The following SMYD2 variants were observed in gnomAD, a reference collection of about 807,000 sequenced individuals.
SMYD2 encodes SET and MYND domain containing 2, also known as N-lysine methyltransferase SMYD2.
A neutral mutation model predicts 59.1 loss-of-function variants in SMYD2; 53 were observed. That is an observed-to-expected ratio of 0.90 (90% CI 0.72 to 1.13). SMYD2 has a LOEUF of 1.13. Among genes scored for constraint, SMYD2 ranks in the 50% most tolerant of loss-of-function variants. The pLI is 0.00. For synonymous variants in SMYD2, 208 were observed against 198.8 expected, an observed-to-expected ratio of 1.05 and a Z score of -0.39; for missense variants, 494 against 544.7, an observed-to-expected ratio of 0.91 and a Z score of 0.93.
chr1:214,326,156 T>C (rs1657257782), intron 6 of SMYD2, among the ~76,000 whole-genome samples: 2 of 150,654 alleles, frequency 1.3e-5, no homozygotes, highest in South Asian at 2.1e-4. Flanking sequence ...CAGAATCACT[T>C]GAACCCGGGA....
chr1:214,305,092 C>T, intron 1 of SMYD2, 95 bp from the exon 2 acceptor site: 3 of 1,203,172 alleles, frequency 2.5e-6, no homozygotes, highest in Admixed American at 3.4e-5. Context: ...CTTGGCTCTG[C>T]TTTCCAACCA....
At chr1:214,311,257 G>T (rs1477666674) in intron 2 of SMYD2, among the ~76,000 whole-genome samples, 1 of 152,206 alleles carries the variant, frequency 6.6e-6, no homozygotes, top group African/African-American at 2.4e-5. Context: ...TCAGAGCGCA[G>T]CCTGTGCCGG....
At chr1:214,288,737 A>C (rs77526968) in intron 1 of SMYD2, among the ~76,000 whole-genome samples, 107 of 152,346 alleles carry the variant, frequency 7.0e-4, no homozygotes, top group African/African-American at 2.5e-3. Context: ...AATTTGCATA[A>C]GAGCTACACA....
Position 214,330,168 on chromosome 1 carries a change from G to T in SMYD2, c.706G>T (p.Val236Phe). ...AGCTTTATCTTTTTGGACCCCGTAGGTTTTTACCAGCTATATTGATCTCCT... is the reference window on the plus strand; with the variant it reads ...AGCTTTATCTTTTTGGACCCCGTAGTTTTTTACCAGCTATATTGATCTCCT... Reference protein sequence around the residue: ...AVQEIKPGEEVFTSYIDLLYP... With the variant: ...AVQEIKPGEEFFTSYIDLLYP... Residue 236 changes from valine to phenylalanine, a missense_variant and splice_region_variant, in exon 8 of 12, where the codon GTT (valine) becomes TTT (phenylalanine). Transcript: ENST00000366957. 2 of 1,600,858 alleles carry T rather than the reference G, an allele frequency of 1.2e-6. No individual in the cohort carries two copies. Among genetic ancestry groups the T allele is most frequent in the Non-Finnish European group, 1.7e-6 (2 of 1,171,632 alleles).
intron 1 of SMYD2, among the ~76,000 whole-genome samples, chr1:214,300,224 C>T (rs566390785): frequency 6.6e-6 from 1 of 152,278 alleles, no homozygotes; most frequent in East Asian, 1.9e-4. Flanking sequence ...CCAGGCAAAG[C>T]TTTTCAGTTT....
chr1:214,285,173 T>A (rs1011817656), intron 1 of SMYD2, among the ~76,000 whole-genome samples: 1 of 134,472 alleles, frequency 7.4e-6, no homozygotes, highest in Non-Finnish European at 1.6e-5. Context: ...GGTGTCCTAT[T>A]TCAGCAGTTA....
intron 2 of SMYD2, among the ~76,000 whole-genome samples, chr1:214,311,477 G>A (rs1478584816): frequency 6.6e-6 from 1 of 152,196 alleles, no homozygotes; most frequent in Non-Finnish European, 1.5e-5. Flanking sequence ...GGAGACAGGC[G>A]CAAAGGGATT....
intron 1 of SMYD2, among the ~76,000 whole-genome samples, chr1:214,304,796 T>C (rs763077042): frequency 5.9e-5 from 9 of 152,210 alleles, no homozygotes; most frequent in Non-Finnish European, 1.3e-4. Context: ...TCTGTGCCTC[T>C]TTAGCAGATG....
At chr1:214,319,456 AGTGGGTCTAGAT>A (rs1657136721) in intron 5 of SMYD2, among the ~76,000 whole-genome samples, 2 of 152,164 alleles carry the variant, frequency 1.3e-5, no homozygotes, top group Non-Finnish European at 2.9e-5. Flanking sequence ...GAGGAGCCCA[AGTGGGTCTAGAT>A]GTGGAAGTCT....
At chr1:214,313,171 T>G (rs1657025703) in intron 2 of SMYD2, among the ~76,000 whole-genome samples, 1 of 152,064 alleles carries the variant, frequency 6.6e-6, no homozygotes, top group Non-Finnish European at 1.5e-5. Context: ...GGCTGGAGTG[T>G]AGCGGTGCAC....
At position 214,281,378 on chromosome 1, in the gene SMYD2, G is replaced by A; in HGVS notation, c.124G>A (p.Val42Met). ...LLFSCPAYAY[V>M]LTVNERGNHC... is the part of the protein sequence containing the mutation. The stretch of plus-strand genomic sequence containing the variant: ...GTTCTCCTGCCCGGCCTATGCCTAC[G>A]TGCTCACGGTCAACGAGCGGGGCAA... Residue 42 changes from valine to methionine, a missense_variant, in exon 1 of 12, where the codon GTG (valine) becomes ATG (methionine). Coordinates refer to ENST00000366957, the MANE Select transcript of SMYD2 (RefSeq NM_020197.3). The A allele has an allele frequency of 1.4e-6, 2 of 1,460,406 alleles. No individual in the cohort carries two copies. Among genetic ancestry groups the A allele is most frequent in the Admixed American group, 2.3e-5 (1 of 44,418 alleles). 90.5% of individuals were successfully genotyped at this position (1,460,406 alleles called of 1,614,324 possible).
At chr1:214,307,157 G>A (rs1241922820) in intron 2 of SMYD2, among the ~76,000 whole-genome samples, 7 of 152,216 alleles carry the variant, frequency 4.6e-5, no homozygotes, top group South Asian at 2.1e-4. Context: ...TGGGCAACAA[G>A]AGTGAAATTC....
intron 3 of SMYD2, 27 bp downstream of exon 3, chr1:214,314,899 G>A (rs185560172): frequency 1.3e-5 from 20 of 1,547,362 alleles, no homozygotes; most frequent in Non-Finnish European, 1.6e-5. Context: ...ATGTTCAAGT[G>A]CATTTTATTT....
chr1:214,287,222 A>G (rs1310043276), intron 1 of SMYD2, among the ~76,000 whole-genome samples: 1 of 151,804 alleles, frequency 6.6e-6, no homozygotes, highest in Non-Finnish European at 1.5e-5. Flanking sequence ...GGGCGTTTTT[A>G]TGGAGTTGTG....
intron 7 of SMYD2, among the ~76,000 whole-genome samples, chr1:214,329,143 C>T (rs923709498): frequency 2.6e-5 from 4 of 152,328 alleles, no homozygotes; most frequent in South Asian, 2.1e-4. Context: ...AGATCTGAAA[C>T]GCAGTAACCT....
intron 11 of SMYD2, 53 bp downstream of exon 11, chr1:214,334,361 C>A: frequency 2.0e-6 from 3 of 1,484,874 alleles, no homozygotes; most frequent in Non-Finnish European, 1.9e-6. Context: ...GCCTCCTTAG[C>A]GCACCTCCTT....
intron 1 of SMYD2, among the ~76,000 whole-genome samples, chr1:214,300,034 A>G (rs753226491): frequency 2.0e-5 from 3 of 152,244 alleles, no homozygotes; most frequent in Non-Finnish European, 4.4e-5. Context: ...TGTATTGGGC[A>G]CTATGCTCAC....
At chr1:214,293,907 C>T (rs565143540) in intron 1 of SMYD2, among the ~76,000 whole-genome samples, 1 of 151,770 alleles carries the variant, frequency 6.6e-6, no homozygotes, top group South Asian at 2.1e-4. Context: ...AACTCCTGAC[C>T]TTAGGTGATC....
chr1:214,285,893 C>T (rs1558046733), intron 1 of SMYD2, among the ~76,000 whole-genome samples: 1 of 152,200 alleles, frequency 6.6e-6, no homozygotes, highest in Non-Finnish European at 1.5e-5. Flanking sequence ...GTACTGAATA[C>T]TGTAGGCAGT....
Sources: allele counts gnomAD v4.1 joint callset (sites outside exome capture counted in the v4.1 genomes callset), GRCh38; gene constraint gnomAD v4.1.1; transcripts MANE v1.5; gene names NCBI Gene and HGNC (gene_info 2026-07-23, HGNC 2026-07-21).